Variants in ITGA8 observed in about 807,000 individuals in gnomAD.
ITGA8 encodes the protein integrin subunit alpha 8, also known as integrin alpha-8.
In ITGA8, 91 loss-of-function variants were observed where a neutral mutation model predicts 142.3. The ratio of observed to expected loss-of-function variants is 0.64; its 90% CI spans 0.54 to 0.76. The LOEUF is 0.76. Ranked by LOEUF, ITGA8 falls within the 30% of genes least tolerant of loss-of-function variation. The pLI is 0.00. For synonymous variants in ITGA8, 505 were observed against 485.2 expected (o/e 1.04, Z -0.54); for missense variants, 1,406 against 1,327.7 (o/e 1.06, Z -0.92).
At position 15,719,870 on chromosome 10, in the gene ITGA8, CG is replaced by C; in HGVS notation, c.-100del. On this transcript the variant is annotated 5_prime_UTR_variant, in exon 1 of 30. Transcript: ENST00000378076. ...TGGAATCTGGCGGTCCCCAGCTGCC[CG>C]TGTCCCGGGTCGGTGCGCTCGGCGC... 1 of 954,152 alleles carries C rather than the reference CG, an allele frequency of 1.0e-6. No homozygotes were observed. Among genetic ancestry groups the C allele is most frequent in the Non-Finnish European group, 1.4e-6 (1 of 723,216 alleles). 59.1% of individuals were successfully genotyped at this position (954,152 alleles called of 1,614,324 possible). A position where few individuals can be genotyped will look rare whatever the true frequency, so the allele number is the denominator to read the frequency against.
At chr10:15,554,870 AC>A (rs1833861185) in intron 26 of ITGA8, among the ~76,000 whole-genome samples, 1 of 151,926 alleles carries the variant, frequency 6.6e-6, no homozygotes, top group African/African-American at 2.4e-5. Flanking sequence ...AAAAGCAAAA[AC>A]CTTTTTTGCA....
In ITGA8 at chr10:15,597,279, A is replaced by C. The variant is rs989350537; in HGVS notation, c.2139T>G (p.Cys713Trp). The C allele has an allele frequency of 6.8e-6, 11 of 1,613,816 alleles. No homozygotes were observed. Among genetic ancestry groups the C allele is most frequent in the African/African-American group, 4.0e-5 (3 of 74,904 alleles). ...TGGTTACATTTTCCATCTTGTACTC[A>C]CAGCTCAGTGGTCGAAATCCCTACA... is the stretch of plus-strand genomic sequence containing the variant. ...RNNKGFRPLS[C>W]EYKMENVTRM... The change falls in exon 21 of 30, where the codon TGT becomes TGG. Residue 713 changes from cysteine to tryptophan, a missense_variant. Transcript: ENST00000378076.
At chr10:15,719,489 G>A (rs1018069335) in intron 1 of ITGA8, 74 bp downstream of exon 1, 28 of 1,381,110 alleles carry the variant, frequency 2.0e-5, no homozygotes, top group African/African-American at 3.1e-5. Flanking sequence ...GGGGGACTCC[G>A]CGGCAGAGCC....
chr10:15,598,663 G>C lies in ITGA8; in HGVS notation c.2119-1364C>G, dbSNP rs1033522408. On this transcript the variant is annotated intron_variant, in intron 20 of 29. Transcript: ENST00000378076. ...AGGCAGCTGACACTTTCTTGTAAAA[G>C]AGAAGGCTACAATGAAACAGACAAG... Among the ~76,000 whole-genome samples the C allele has an allele frequency of 3.3e-5, 5 of 152,202 alleles. No individual in the cohort carries two copies. In the East Asian group the frequency reaches 5.8e-4, roughly 18 times the overall value.
intron 22 of ITGA8, among the ~76,000 whole-genome samples, chr10:15,588,128 G>T (rs2131593580): frequency 6.6e-6 from 1 of 152,244 alleles, no homozygotes; most frequent in Middle Eastern, 3.4e-3. Context: ...CCAAGATGAT[G>T]GTAATGCGGT....
intron 23 of ITGA8, 112 bp downstream of exon 23, chr10:15,586,472 A>G: frequency 1.6e-6 from 1 of 631,788 alleles, no homozygotes; most frequent in East Asian, 2.7e-5. Context: ...TTAATATCCA[A>G]AATGAACTGT....
At chr10:15,627,204 A>C (rs1475251130) in intron 13 of ITGA8, among the ~76,000 whole-genome samples, 4 of 152,186 alleles carry the variant, frequency 2.6e-5, no homozygotes, top group Non-Finnish European at 5.9e-5. Context: ...CCTGGGTGGG[A>C]CCTACTTTCA....
intron 2 of ITGA8, among the ~76,000 whole-genome samples, chr10:15,718,307 A>G (rs369860411): frequency 3.3e-5 from 5 of 152,350 alleles, no homozygotes. Flanking sequence ...AGAATTAAAC[A>G]GCAACGCGGA....
chr10:15,582,255 G>A (rs1834421610), intron 23 of ITGA8, among the ~76,000 whole-genome samples: 1 of 151,956 alleles, frequency 6.6e-6, no homozygotes, highest in Non-Finnish European at 1.5e-5. Flanking sequence ...AAGAAGAAAA[G>A]AAGAAAAAGA....
chr10:15,614,506 G>A (rs1833359005), intron 14 of ITGA8, among the ~76,000 whole-genome samples: 1 of 152,160 alleles, frequency 6.6e-6, no homozygotes, highest in Non-Finnish European at 1.5e-5. Flanking sequence ...CCAAATTTGA[G>A]GAGAGAGACT....
At chr10:15,646,154 A>G (rs564855959) in intron 12 of ITGA8, among the ~76,000 whole-genome samples, 2 of 152,338 alleles carry the variant, frequency 1.3e-5, no homozygotes, top group African/African-American at 4.8e-5. Context: ...AGGATAGCCA[A>G]CATCAAATGT....
chr10:15,703,859 C>T (rs1020177054), intron 2 of ITGA8, among the ~76,000 whole-genome samples: 1 of 151,778 alleles, frequency 6.6e-6, no homozygotes, highest in Admixed American at 6.6e-5. Flanking sequence ...AACACAAAAG[C>T]CCCCCATTGA....
intron 15 of ITGA8, among the ~76,000 whole-genome samples, chr10:15,613,170 AAAAT>A (rs1554777864): frequency 0.12 from 4,399 of 36,060 alleles, 244 homozygotes; most frequent in African/African-American, 0.22. Flanking sequence ...CAATAAATAA[AAAAT>A]AAATAAATAA....
chr10:15,552,598 A>C (rs1461467690), intron 26 of ITGA8, among the ~76,000 whole-genome samples: 1 of 152,208 alleles, frequency 6.6e-6, no homozygotes, highest in Non-Finnish European at 1.5e-5. Flanking sequence ...GGTTTGTTAC[A>C]TAGGTATACA....
chr10:15,622,921 T>C (rs1833520338), intron 13 of ITGA8, among the ~76,000 whole-genome samples: 2 of 152,218 alleles, frequency 1.3e-5, no homozygotes, highest in African/African-American at 4.8e-5. Flanking sequence ...TATATCATTT[T>C]TTAACCTTGT....
At chr10:15,518,080 C>T (rs1832996407) in intron 29 of ITGA8, among the ~76,000 whole-genome samples, 1 of 152,154 alleles carries the variant, frequency 6.6e-6, no homozygotes, top group Non-Finnish European at 1.5e-5. Flanking sequence ...ACCAGGTAGG[C>T]ACAGAATCTT....
chr10:15,572,356 C>T lies in ITGA8; in HGVS notation c.2492G>A (p.Gly831Glu). 1 of 1,613,878 alleles carries T rather than the reference C, an allele frequency of 6.2e-7. No homozygotes were observed. Among genetic ancestry groups the T allele is most frequent in the Non-Finnish European group, 8.5e-7 (1 of 1,179,936 alleles). ...GATGGTGTCACTGATGGTACTTGGTCCAATATTGTGCAGCTGTAAACAAGT... is the reference window on the plus strand; with the variant it reads ...GATGGTGTCACTGATGGTACTTGGTTCAATATTGTGCAGCTGTAAACAAGT... ...VEHIYELHNI[G>E]PSTISDTILE... Residue 831 changes from glycine (G) to glutamate (E), a missense_variant, in exon 25 of 30, where the codon GGA becomes GAA. Gly to Glu is a moderately conservative substitution (Grantham distance 98, BLOSUM62 -2). Coordinates refer to ENST00000378076, the MANE Select transcript of ITGA8 (RefSeq NM_003638.3).
intron 13 of ITGA8, among the ~76,000 whole-genome samples, chr10:15,643,198 T>C (rs1057424475): frequency 6.6e-6 from 1 of 152,222 alleles, no homozygotes; most frequent in African/African-American, 2.4e-5. Context: ...AGAATAGTTA[T>C]GGTTCCTATC....
Position 15,517,043 on chromosome 10 carries a change from C to CGAATCATTAAAAA in ITGA8, c.*114_*115insTTTTTAATGATTC. ...GAGGTGATGTTTCCAGGGTCCCCTC[C>CGAATCATTAAAAA]ATTTCCTGGGTCACTGTCAGGTATC... On this transcript the variant is annotated 3_prime_UTR_variant, in exon 30 of 30. Coordinates refer to ENST00000378076, the MANE Select transcript of ITGA8 (RefSeq NM_003638.3). 2 of 551,540 alleles carry CGAATCATTAAAAA rather than the reference C, an allele frequency of 3.6e-6. No individual in the cohort carries two copies. 34.2% of individuals were successfully genotyped at this position (551,540 alleles called of 1,614,324 possible). A position where few individuals can be genotyped will look rare whatever the true frequency, so the allele number is the denominator to read the frequency against.
Sources: gnomAD v4.1 joint callset for allele counts (sites outside exome capture counted in the v4.1 genomes callset) on GRCh38, gnomAD v4.1.1 for gene constraint, MANE v1.5 for transcripts, NCBI Gene and HGNC (gene_info 2026-07-23, HGNC 2026-07-21) for gene names.